ARHGAP6: variants seen among roughly 807,000 people sequenced by gnomAD.
ARHGAP6 encodes rho GTPase-activating protein 6.
A neutral mutation model predicts 55.7 loss-of-function variants in ARHGAP6; 16 were observed. The observed-to-expected ratio is 0.29, with a 90% CI of 0.19 to 0.44. ARHGAP6 has a LOEUF of 0.44. Among genes scored for constraint, ARHGAP6 ranks in the 20% least tolerant of loss-of-function variants. ARHGAP6 has a pLI of 1.00. For missense variants in ARHGAP6, 698 were observed against 808.9 expected (o/e 0.86, Z 1.66); for synonymous variants, 382 against 360.9 (o/e 1.06, Z -0.66).
chrX:11,624,895 G>T (rs181233078), intron 1 of ARHGAP6, among the ~76,000 whole-genome samples: 56 of 111,457 alleles, frequency 5.0e-4, no homozygotes, highest in African/African-American at 1.8e-3. Context: ...TGGCCAACAG[G>T]TATATGAAAA....
At chrX:11,320,766 TACACACACACACAC>T (rs56815077) in intron 1 of ARHGAP6, among the ~76,000 whole-genome samples, 1,108 of 85,659 alleles carry the variant, frequency 0.013, 24 homozygotes, top group African/African-American at 0.044. Context: ...AATATCTCTT[TACACACACACACAC>T]ACACACACAC....
intron 1 of ARHGAP6, among the ~76,000 whole-genome samples, chrX:11,264,322 G>T (rs1186957760): frequency 8.9e-6 from 1 of 111,738 alleles, no homozygotes; most frequent in African/African-American, 3.3e-5. Context: ...GTTCACCTGG[G>T]TTACCGATAA....
At chrX:11,562,404 A>G (rs1005149424) in intron 1 of ARHGAP6, among the ~76,000 whole-genome samples, 3 of 112,075 alleles carry the variant, frequency 2.7e-5, no homozygotes, top group Admixed American at 9.5e-5. Flanking sequence ...GTTCCTGTAT[A>G]GATTTTTAAA....
intron 1 of ARHGAP6, among the ~76,000 whole-genome samples, chrX:11,514,838 GCA>G (rs71928650): frequency 0.27 from 25,584 of 95,531 alleles, 3,126 homozygotes; most frequent in African/African-American, 0.44. Flanking sequence ...TCTATGCATT[GCA>G]CACACACACA....
chrX:11,360,403 A>G (rs1347038380), intron 1 of ARHGAP6, among the ~76,000 whole-genome samples: 1 of 110,227 alleles, frequency 9.1e-6, no homozygotes, highest in Non-Finnish European at 1.9e-5. Flanking sequence ...CAAAGACAAA[A>G]ACCACATGAT....
intron 2 of ARHGAP6, among the ~76,000 whole-genome samples, chrX:11,244,259 T>C (rs2047324577): frequency 8.9e-6 from 1 of 112,226 alleles, no homozygotes; most frequent in Non-Finnish European, 1.9e-5. Flanking sequence ...TTTGATCTTG[T>C]GGGCCATAAG....
chrX:11,228,281 T>C (rs1243634354), intron 2 of ARHGAP6, among the ~76,000 whole-genome samples: 3 of 112,346 alleles, frequency 2.7e-5, no homozygotes, highest in Non-Finnish European at 3.8e-5. Context: ...TCAAGCAAAC[T>C]ACATGACTGT....
chrX:11,468,145 G>A (rs1163801948), intron 1 of ARHGAP6, among the ~76,000 whole-genome samples: 2 of 111,389 alleles, frequency 1.8e-5, no homozygotes, highest in Non-Finnish European at 3.8e-5. Context: ...GGATTCCAAT[G>A]ATGTTCTATT....
At position 11,664,744 on chromosome X, in the gene ARHGAP6, T is replaced by G. The variant is rs779270954; in HGVS notation, c.85A>C (p.Lys29Gln). Residue 29 changes from lysine to glutamine, a missense_variant, in exon 1 of 13, where the codon AAG (lysine) becomes CAG (glutamine). Transcript: ENST00000337414. ...CTGCGGGTCTGGCGCAGCTTCCTCT[T>G]GGAGAAGCCCTTGGCCGAGGCCGCG... is the stretch of plus-strand genomic sequence containing the variant. ...SSAASAKGFS[K>Q]RKLRQTRSLD... The G allele has an allele frequency of 8.3e-7, 1 of 1,199,219 alleles. No individual in the cohort carries two copies. Among genetic ancestry groups the G allele is most frequent in the Non-Finnish European group, 1.1e-6 (1 of 891,090 alleles).
At position 11,329,911 on chromosome X, in the gene ARHGAP6, G is replaced by C. The variant is rs181977801; in HGVS notation, c.589-75204C>G. On this transcript the variant is annotated intron_variant, in intron 1 of 12. Transcript: ENST00000337414. Reference sequence around the variant, plus strand: ...ATCTAAACATATCTAAACATAGAAAGGTAGAGTAACAATATGGTATTATAA... The same window carrying C: ...ATCTAAACATATCTAAACATAGAAACGTAGAGTAACAATATGGTATTATAA... 6.2e-5 allele frequency among the ~76,000 whole-genome samples: 7 copies of C among 112,765 alleles called. No individual in the cohort carries two copies. In the East Asian group the frequency reaches 1.4e-3, roughly 22 times the overall value.
chrX:11,218,257 T>A (rs927552764), intron 2 of ARHGAP6, among the ~76,000 whole-genome samples: 9 of 111,955 alleles, frequency 8.0e-5, no homozygotes, highest in African/African-American at 2.9e-4. Flanking sequence ...AGAAAGTCAA[T>A]GGTAGCTTGA....
chrX:11,539,120 G>A (rs1262828353), intron 1 of ARHGAP6, among the ~76,000 whole-genome samples: 1 of 111,431 alleles, frequency 9.0e-6, no homozygotes, highest in Non-Finnish European at 1.9e-5. Flanking sequence ...GCCTCCCAAA[G>A]TGATGGGATT....
chrX:11,468,036 A>AAATG (rs2050312892), intron 1 of ARHGAP6, among the ~76,000 whole-genome samples: 3 of 108,554 alleles, frequency 2.8e-5, no homozygotes, highest in Non-Finnish European at 5.7e-5. Flanking sequence ...ATAAATAAAT[A>AAATG]AATGGCCAAA....
At chrX:11,572,149 C>A (rs760741853) in intron 1 of ARHGAP6, among the ~76,000 whole-genome samples, 1 of 111,488 alleles carries the variant, frequency 9.0e-6, no homozygotes, top group Admixed American at 9.6e-5. Context: ...TCAGGATAAT[C>A]AAATCATAAT....
At chrX:11,178,271 C>A in intron 7 of ARHGAP6, 23 bp from the exon 8 acceptor site, 1 of 1,183,907 alleles carries the variant, frequency 8.4e-7, no homozygotes, top group South Asian at 1.9e-5. Context: ...AAAAGAGGTA[C>A]TCAAATAAAA....
intron 8 of ARHGAP6, among the ~76,000 whole-genome samples, chrX:11,172,979 C>T (rs763672702): frequency 9.0e-6 from 1 of 111,698 alleles, no homozygotes; most frequent in South Asian, 3.8e-4. Context: ...AGGTACCAGG[C>T]TAGGGGCTTT....
At chrX:11,512,362 C>G (rs375551672) in intron 1 of ARHGAP6, among the ~76,000 whole-genome samples, 34 of 111,528 alleles carry the variant, frequency 3.0e-4, no homozygotes, top group African/African-American at 1.0e-3. Context: ...GTGAATAAAT[C>G]AAGCTTAGTG....
intron 2 of ARHGAP6, among the ~76,000 whole-genome samples, chrX:11,216,764 C>T (rs775704014): frequency 5.4e-5 from 6 of 110,964 alleles, no homozygotes; most frequent in East Asian, 2.8e-4. Context: ...ATGTGCAGAA[C>T]GTGCAGGTTT....
intron 1 of ARHGAP6, among the ~76,000 whole-genome samples, chrX:11,554,424 A>G (rs754937127): frequency 3.6e-5 from 4 of 112,016 alleles, no homozygotes; most frequent in Non-Finnish European, 5.6e-5. Flanking sequence ...TGTATATTTC[A>G]AAACTGCTAG....
Sources: gnomAD v4.1 joint callset for allele counts (sites outside exome capture counted in the v4.1 genomes callset) on GRCh38, gnomAD v4.1.1 for gene constraint, MANE v1.5 for transcripts, NCBI Gene and HGNC (gene_info 2026-07-23, HGNC 2026-07-21) for gene names.